The following SSUH2 variants were observed in gnomAD, a reference collection of about 807,000 sequenced individuals.
SSUH2 encodes ssu-2 homolog.
SSUH2 carries 47 observed loss-of-function variants against 55.3 expected under a neutral mutation model. The ratio of observed to expected loss-of-function variants is 0.85; its 90% confidence interval spans 0.67 to 1.08. The LOEUF (loss-of-function observed/expected upper bound fraction) is 1.08, where lower values mean the gene tolerates loss of function less well. SSUH2 is among the 50% of genes least tolerant of loss of function. SSUH2 has a pLI of 0.00. For synonymous variants in SSUH2, 212 were observed against 191.5 expected (o/e 1.11, Z -0.89); for missense variants, 535 against 490.7 (o/e 1.09, Z -0.85).
In SSUH2 at chr3:8,629,658, A is replaced by ACTCACCAGTGGTTCACAGATGG; in HGVS notation, c.588+5_588+6insCCATCTGTGAACCACTGGTGAG. ...CTGACTCACCAGTGGTTCACAGATGACTCACCGTGCCCGCCCCGTGGCAGC... is the reference window on the plus strand; with the variant it reads ...CTGACTCACCAGTGGTTCACAGATGACTCACCAGTGGTTCACAGATGGCTCACCGTGCCCGCCCCGTGGCAGC... On this transcript the variant is annotated splice_donor_region_variant and intron_variant, in intron 7 of 11. Transcript: ENST00000544814. 1 of 1,613,690 alleles carries ACTCACCAGTGGTTCACAGATGG rather than the reference A, an allele frequency of 6.2e-7. No individual in the cohort carries two copies. Among genetic ancestry groups the ACTCACCAGTGGTTCACAGATGG allele is most frequent in the South Asian group, 1.1e-5 (1 of 91,030 alleles).
At chr3:8,622,443 T>C (rs55736205) in intron 11 of SSUH2, among the ~76,000 whole-genome samples, 45,206 of 151,946 alleles carry the variant, frequency 0.3, 9,513 homozygotes, top group African/African-American at 0.6. Context: ...GCCTCAGTTT[T>C]CCCAGCTGCC....
chr3:8,647,875 C>T (rs926241601), upstream of SSUH2, among the ~76,000 whole-genome samples: 2 of 152,184 alleles, frequency 1.3e-5, no homozygotes, highest in Non-Finnish European at 2.9e-5. Context: ...TGGATGGAGA[C>T]CAGTGGTGCC....
At chr3:8,623,472 C>T (rs956622800) in intron 11 of SSUH2, 77 bp downstream of exon 11, 13 of 917,418 alleles carry the variant, frequency 1.4e-5, no homozygotes, top group African/African-American at 3.3e-5. Context: ...TCCTTCCGCT[C>T]CGACGTTCTC....
chr3:8,635,603 T>C (rs1699790508), intron 2 of SSUH2, among the ~76,000 whole-genome samples, 156 bp downstream of exon 2: 1 of 152,188 alleles, frequency 6.6e-6, no homozygotes, highest in Non-Finnish European at 1.5e-5. Flanking sequence ...CTATGCCCCA[T>C]TGCTTCCTCT....
At chr3:8,639,860 C>T (rs1339985397) in intron 1 of SSUH2, 5 of 716,064 alleles carry the variant, frequency 7.0e-6, no homozygotes, top group African/African-American at 3.9e-5. Flanking sequence ...GCCCCTGTCT[C>T]GTATAAGAAA....
At chr3:8,625,073 C>T (rs1339541802) in intron 10 of SSUH2, among the ~76,000 whole-genome samples, 5 of 152,028 alleles carry the variant, frequency 3.3e-5, no homozygotes, top group Non-Finnish European at 7.4e-5. Flanking sequence ...TCTGACATTG[C>T]TATAAAAGGG....
At chr3:8,628,733 G>A (rs926846930) in intron 7 of SSUH2, among the ~76,000 whole-genome samples, 3 of 152,232 alleles carry the variant, frequency 2.0e-5, no homozygotes, top group Non-Finnish European at 4.4e-5. Context: ...CAGAAGCTGG[G>A]GGAGAGGAAG....
intron 7 of SSUH2, among the ~76,000 whole-genome samples, chr3:8,652,592 T>A (rs1702536568): frequency 6.6e-6 from 1 of 152,132 alleles, no homozygotes; most frequent in South Asian, 2.1e-4. Context: ...AAATCTTTTA[T>A]GGCTCCTTAT....
chr3:8,657,525 AC>A (rs1703057367), intron 7 of SSUH2, among the ~76,000 whole-genome samples: 1 of 152,156 alleles, frequency 6.6e-6, no homozygotes, highest in Non-Finnish European at 1.5e-5. Flanking sequence ...AGTGGGTACG[AC>A]AGGAGGTCAG....
At chr3:8,653,803 C>T (rs988743454) in intron 7 of SSUH2, among the ~76,000 whole-genome samples, 1 of 152,160 alleles carries the variant, frequency 6.6e-6, no homozygotes, top group Non-Finnish European at 1.5e-5. Context: ...TAAATGTACC[C>T]GTGTGACCAA....
upstream of SSUH2, among the ~76,000 whole-genome samples, chr3:8,647,430 T>C (rs376301049): frequency 6.6e-6 from 1 of 152,184 alleles, no homozygotes; most frequent in South Asian, 2.1e-4. Flanking sequence ...TGAGCAATAG[T>C]AGAACATCAC....
chr3:8,623,549 C>CTGCT lies in SSUH2; in HGVS notation c.977_980dup (p.Arg328AlafsTer6). On this transcript the variant is annotated frameshift_variant and splice_region_variant, in exon 11 of 12. Coordinates refer to ENST00000544814, the MANE Select transcript of SSUH2 (RefSeq NM_001256748.3). LOFTEE classifies it high-confidence loss of function. ...AGATGGCCCCTCCGCCCTGGCTCAC[C>CTGCT]TGCTGCAGGACGCGGGCACGGGAGG... is the stretch of plus-strand genomic sequence containing the variant. 1 of 1,545,030 alleles carries CTGCT rather than the reference C, an allele frequency of 6.5e-7. No homozygotes were observed. The highest frequency in any genetic ancestry group is 8.8e-7 in the Non-Finnish European group (1 of 1,141,194).
chr3:8,669,061 AC>A (rs1172802998), intron 5 of SSUH2, among the ~76,000 whole-genome samples: 2 of 152,120 alleles, frequency 1.3e-5, no homozygotes, highest in African/African-American at 4.8e-5. Flanking sequence ...TTGTTTACGT[AC>A]CCCAAATGAA....
intron 8 of SSUH2, 146 bp downstream of exon 8, chr3:8,627,552 T>C: frequency 1.9e-6 from 1 of 528,782 alleles, no homozygotes; most frequent in East Asian, 3.4e-5. Context: ...ACTCTTCAAA[T>C]AACCACAGAG....
chr3:8,676,904 GCCCC>G (rs1705384037), intron 3 of SSUH2, among the ~76,000 whole-genome samples: 5 of 144,290 alleles, frequency 3.5e-5, no homozygotes, highest in South Asian at 2.3e-4. Flanking sequence ...CAGAGAGCCA[GCCCC>G]TCTTTCCCCC....
rs1430318337 is a variant in SSUH2, at chr3:8,627,740, T to C, written c.632A>G (p.Gln211Arg). The C allele has an allele frequency of 2.5e-6, 4 of 1,610,394 alleles. No homozygotes were observed. The East Asian group carries it at 6.8e-5, about 27-fold the overall frequency. ...SCCGAKRKAK[Q>R]SRRCQLCAGS... is the part of the protein sequence containing the mutation. ...CGCGCACAGCTGACATCTCCGGGACTGCTTGGCTTTGCGCTTGGCTCCGCA... is the reference window on the plus strand; with the variant it reads ...CGCGCACAGCTGACATCTCCGGGACCGCTTGGCTTTGCGCTTGGCTCCGCA... Residue 211 changes from glutamine (Q) to arginine (R), a missense_variant, in exon 8 of 12, where the codon CAG (glutamine) becomes CGG (arginine). Coordinates refer to ENST00000544814, the MANE Select transcript of SSUH2 (RefSeq NM_001256748.3).
chr3:8,632,231 C>A, intron 4 of SSUH2, 122 bp from the exon 5 acceptor site: 3 of 744,572 alleles, frequency 4.0e-6, no homozygotes, highest in South Asian at 1.7e-5. Context: ...CCATGCACAA[C>A]ACCCTCGGCT....
intron 3 of SSUH2, among the ~76,000 whole-genome samples, chr3:8,634,903 G>C (rs183655050): frequency 1.3e-5 from 2 of 152,330 alleles, no homozygotes; most frequent in East Asian, 3.9e-4. Flanking sequence ...GGGCCACATA[G>C]TGATATTTGA....
chr3:8,668,507 T>C (rs777045511), intron 5 of SSUH2, among the ~76,000 whole-genome samples: 1 of 152,226 alleles, frequency 6.6e-6, no homozygotes, highest in African/African-American at 2.4e-5. Context: ...TTTTCCTCAT[T>C]AATCTCATTA....
Sources: gnomAD v4.1 joint callset for allele counts (sites outside exome capture counted in the v4.1 genomes callset) on GRCh38, gnomAD v4.1.1 for gene constraint, MANE v1.5 for transcripts, NCBI Gene and HGNC (gene_info 2026-07-23, HGNC 2026-07-21) for gene names.